RAD21: variants seen among roughly 807,000 people sequenced by gnomAD.
RAD21 encodes the protein RAD21 cohesin complex component.
A neutral mutation model predicts 71.5 loss-of-function variants in RAD21; 18 were observed. The observed-to-expected ratio is 0.25, with a 90% CI of 0.17 to 0.37. RAD21 has a LOEUF of 0.37. Among genes scored for constraint, RAD21 ranks in the 10% least tolerant of loss-of-function variants. The pLI is 1.00. For missense variants in RAD21, 493 were observed against 769.1 expected, an observed-to-expected ratio of 0.64 and a Z score of 4.25; for synonymous variants, 248 against 254.0, an observed-to-expected ratio of 0.98 and a Z score of 0.22.
At position 116,861,955 on chromosome 8, in the gene RAD21, C is replaced by G; in HGVS notation, c.275-15G>C. The G allele has an allele frequency of 6.3e-7, 1 of 1,577,290 alleles. No homozygotes were observed. Among genetic ancestry groups the G allele is most frequent in the Non-Finnish European group, 8.7e-7 (1 of 1,147,864 alleles). On this transcript the variant is annotated splice_polypyrimidine_tract_variant and intron_variant, in intron 3 of 13. Transcript: ENST00000297338. Reference sequence around the variant, plus strand: ...GTCAACCACACCTAGAAAAGAAATGCTAAGCTTAAATATCTAGCTACCCAT... The same window carrying G: ...GTCAACCACACCTAGAAAAGAAATGGTAAGCTTAAATATCTAGCTACCCAT...
At chr8:116,858,688 G>T (rs1308713874) in intron 4 of RAD21, among the ~76,000 whole-genome samples, 1 of 152,078 alleles carries the variant, frequency 6.6e-6, no homozygotes, top group African/African-American at 2.4e-5. Context: ...CAAATACAAT[G>T]TAATATGCAG....
At chr8:116,852,205 T>C in intron 10 of RAD21, 109 bp from the exon 11 acceptor site, 2 of 1,054,786 alleles carry the variant, frequency 1.9e-6, no homozygotes, top group Non-Finnish European at 2.6e-6. Flanking sequence ...ATGCTTTCTT[T>C]AATGAAGAAG....
intron 5 of RAD21, among the ~76,000 whole-genome samples, 200 bp from the exon 6 acceptor site, chr8:116,857,673 C>G (rs1223350371): frequency 6.6e-6 from 1 of 152,206 alleles, no homozygotes; most frequent in African/African-American, 2.4e-5. Context: ...AGTTACAACA[C>G]TGGGGCATGA....
intron 11 of RAD21, chr8:116,851,294 C>G (rs1812343534): frequency 6.6e-6 from 1 of 152,260 alleles, no homozygotes; most frequent in Non-Finnish European, 1.5e-5. Context: ...TGTTCCTATT[C>G]CTGAGCTCAT....
intron 1 of RAD21, among the ~76,000 whole-genome samples, chr8:116,872,907 G>C (rs1194411685): frequency 6.6e-6 from 1 of 152,164 alleles, no homozygotes; most frequent in Non-Finnish European, 1.5e-5. Context: ...ACAGTCGTAG[G>C]TTCAAATTAA....
At chr8:116,848,851 GCTTT>G (rs757782316) in intron 13 of RAD21, 91 bp downstream of exon 13, 9 of 893,204 alleles carry the variant, frequency 1.0e-5, no homozygotes, top group Non-Finnish European at 1.5e-5. Flanking sequence ...ACAAAGGTAT[GCTTT>G]CTGTTTCCAG....
intron 2 of RAD21, among the ~76,000 whole-genome samples, chr8:116,863,973 C>T (rs1329357159): frequency 6.6e-6 from 1 of 151,806 alleles, no homozygotes. Flanking sequence ...ACTAAGTTTC[C>T]ATTAATTGGA....
chr8:116,854,106 C>A (rs1586265939), intron 9 of RAD21, 139 bp downstream of exon 9: 1 of 639,336 alleles, frequency 1.6e-6, no homozygotes, highest in East Asian at 2.7e-5. Context: ...GCCCAGTACA[C>A]TGTGATTTAA....
At chr8:116,872,122 A>G (rs1283934550) in intron 1 of RAD21, among the ~76,000 whole-genome samples, 1 of 152,188 alleles carries the variant, frequency 6.6e-6, no homozygotes, top group African/African-American at 2.4e-5. Flanking sequence ...AACTATAACA[A>G]CTATATTAAC....
rs1352171729 is a variant in RAD21, at chr8:116,850,695, G to C, written c.1543C>G (p.Leu515Val). The C allele has an allele frequency of 6.2e-7, 1 of 1,613,350 alleles. No individual in the cohort carries two copies. Among genetic ancestry groups the C allele is most frequent in the Non-Finnish European group, 8.5e-7 (1 of 1,179,498 alleles). ...GGCAGAAGTTCTAACTCTGGTATTA[G>C]CTGACAGATATTTGGAGGTTCTTCT... Reference protein sequence around the residue: ...PPEEPPNICQLIPELELLPEK... With the variant: ...PPEEPPNICQVIPELELLPEK... Residue 515 changes from leucine to valine, a missense_variant, in exon 12 of 14, where the codon CTA becomes GTA. By Grantham distance (32) the Leu-to-Val change is conservative. Around this residue, in one of 5 missense-constraint regions of RAD21, gnomAD observed 225 missense variants for 218.3 expected, o/e 1.03. Coordinates refer to ENST00000297338, the MANE Select transcript of RAD21 (RefSeq NM_006265.3).
chr8:116,848,873 C>CTTTT, intron 13 of RAD21, 73 bp downstream of exon 13: 1 of 1,012,390 alleles, frequency 9.9e-7, no homozygotes, highest in Non-Finnish European at 1.4e-6. Context: ...CAGCATCTAA[C>CTTTT]TTTTTTTTTT....
chr8:116,857,397 A>T lies in RAD21; in HGVS notation c.558T>A (p.Thr186=), dbSNP rs779788429. Reference sequence around the variant, plus strand: ...ACTCTAATAGGAGGTTAGAAGTAGTAGTGCTTACTAACATGTCGTCATCCT... The same window carrying T: ...ACTCTAATAGGAGGTTAGAAGTAGTTGTGCTTACTAACATGTCGTCATCCT... The part of the protein sequence containing the change: ...AFEDDDMLVS[T]TTSNLLLESE... The change falls in exon 6 of 14, where the codon ACT becomes ACA. Residue 186 remains threonine (T), a synonymous_variant. Coordinates refer to ENST00000297338, the MANE Select transcript of RAD21 (RefSeq NM_006265.3). 1.2e-6 allele frequency: 2 copies of T among 1,613,340 alleles called. No individual in the cohort carries two copies. The highest frequency in any genetic ancestry group is 2.2e-5 in the South Asian group (2 of 91,064).
rs1812270027 is a variant in RAD21, at chr8:116,847,423, G to C, written c.*77C>G. 54 of 1,230,342 alleles carry C rather than the reference G, an allele frequency of 4.4e-5. No individual in the cohort carries two copies. Among genetic ancestry groups the C allele is most frequent in the Non-Finnish European group, 5.8e-5 (52 of 902,152 alleles). 76.2% of individuals were successfully genotyped at this position (1,230,342 alleles called of 1,614,324 possible). ...GACAAAAATCTAAGTTTTCTCAAAGGGTTCTGTGTCCCCTACACATGGGGG... is the reference window on the plus strand; with the variant it reads ...GACAAAAATCTAAGTTTTCTCAAAGCGTTCTGTGTCCCCTACACATGGGGG... On this transcript the variant is annotated 3_prime_UTR_variant, in exon 14 of 14. Coordinates refer to ENST00000297338, the MANE Select transcript of RAD21 (RefSeq NM_006265.3).
chr8:116,869,035 A>G (rs1174465600), intron 1 of RAD21, among the ~76,000 whole-genome samples: 2 of 152,296 alleles, frequency 1.3e-5, no homozygotes, highest in Non-Finnish European at 1.5e-5. Flanking sequence ...AAAATGGCAG[A>G]GGGGAACCTT....
intron 1 of RAD21, among the ~76,000 whole-genome samples, chr8:116,873,289 T>C (rs1812874374): frequency 6.6e-6 from 1 of 152,238 alleles, no homozygotes; most frequent in Non-Finnish European, 1.5e-5. Flanking sequence ...ACTATGTCTA[T>C]TAGTTATGCA....
intron 1 of RAD21, among the ~76,000 whole-genome samples, chr8:116,868,827 A>G (rs1812750847): frequency 6.6e-6 from 1 of 151,766 alleles, no homozygotes; most frequent in East Asian, 1.9e-4. Flanking sequence ...TTTTTTTTAC[A>G]AAGATGCAAA....
intron 7 of RAD21, 76 bp downstream of exon 7, chr8:116,856,570 T>A (rs1300545909): frequency 1.4e-6 from 2 of 1,420,668 alleles, no homozygotes; most frequent in East Asian, 5.1e-5. Flanking sequence ...AACTTTTAGT[T>A]TGTCATCTTC....
chr8:116,846,629 T>G lies in RAD21; in HGVS notation c.*871A>C, dbSNP rs969013099. On this transcript the variant is annotated 3_prime_UTR_variant, in exon 14 of 14. Coordinates refer to ENST00000297338, the MANE Select transcript of RAD21 (RefSeq NM_006265.3). ...AAGCTAAGTTGACCAGGTGCATAAT[T>G]TCCCATCAGTCTGTCCTTGTAGTAG... 2 of 227,106 alleles carry G rather than the reference T, an allele frequency of 8.8e-6. No individual in the cohort carries two copies. Among genetic ancestry groups the G allele is most frequent in the Non-Finnish European group, 1.8e-5 (2 of 114,028 alleles). 14.1% of individuals were successfully genotyped at this position (227,106 alleles called of 1,614,324 possible). A position where few individuals can be genotyped will look rare whatever the true frequency, so the allele number is the denominator to read the frequency against.
At chr8:116,848,190 A>T (rs907787659) in intron 13 of RAD21, among the ~76,000 whole-genome samples, 2 of 152,232 alleles carry the variant, frequency 1.3e-5, no homozygotes, top group Non-Finnish European at 2.9e-5. Context: ...GTTACTGGAA[A>T]AAACAAACTA....
Sources: allele counts gnomAD v4.1 joint callset (sites outside exome capture counted in the v4.1 genomes callset), GRCh38; gene constraint gnomAD v4.1.1; regional missense constraint gnomAD v4.1.1; transcripts MANE v1.5; gene names NCBI Gene and HGNC (gene_info 2026-07-23, HGNC 2026-07-21).